Variants in BMP2K observed in about 807,000 individuals in gnomAD.
BMP2K encodes BMP-2-inducible protein kinase.
In BMP2K, 74 loss-of-function variants were observed where a neutral mutation model predicts 116.0. The ratio of observed to expected loss-of-function variants is 0.64; its 90% CI spans 0.53 to 0.77. The LOEUF (loss-of-function observed/expected upper bound fraction) is 0.77. Ranked by LOEUF, BMP2K falls within the 30% of genes least tolerant of loss-of-function variation. The pLI, the probability that BMP2K is intolerant of heterozygous loss-of-function variation, is 0.00. For missense variants in BMP2K, 1,365 were observed against 1,403.6 expected, an observed-to-expected ratio of 0.97 and a Z score of 0.44; for synonymous variants, 486 against 502.5, an observed-to-expected ratio of 0.97 and a Z score of 0.44.
In BMP2K at chr4:78,859,671, C is replaced by T. The variant is rs199612830; in HGVS notation, c.971C>T (p.Pro324Leu). ...TTTAAATTTGCCAAAAAGGATTGTC[C>T]AGTCTCCAACATCAATGTAAGTAGA... is the stretch of plus-strand genomic sequence containing the variant. ...FAFKFAKKDC[P>L]VSNINNSSIP... is the part of the protein sequence containing the mutation. The change falls in exon 8 of 16, where the codon CCA (proline) becomes CTA (leucine). Residue 324 changes from proline (P) to leucine (L), a missense_variant. Pro to Leu is a moderately conservative substitution (Grantham distance 98, BLOSUM62 -3). This residue lies in a region of BMP2K where 762 missense variants were observed against 756.7 expected (regional missense o/e 1.01). Coordinates refer to ENST00000502613, the MANE Select transcript of BMP2K (RefSeq NM_198892.2). 4.4e-6 allele frequency: 7 copies of T among 1,590,462 alleles called. No individual in the cohort carries two copies. Among genetic ancestry groups the T allele is most frequent in the Middle Eastern group, 1.7e-4 (1 of 6,010 alleles).
At chr4:78,855,463 C>CTG (rs1731460414) in intron 7 of BMP2K, among the ~76,000 whole-genome samples, 1 of 152,102 alleles carries the variant, frequency 6.6e-6, no homozygotes, top group African/African-American at 2.4e-5. Flanking sequence ...GAGATGGTGG[C>CTG]TTAACTTTAT....
At chr4:78,871,129 T>C in intron 11 of BMP2K, 69 bp downstream of exon 11, 1 of 1,567,128 alleles carries the variant, frequency 6.4e-7, no homozygotes, top group Non-Finnish European at 8.6e-7. Flanking sequence ...TATCAGTGAA[T>C]TCCTTTTTGT....
At chr4:78,872,324 TTTTTTA>T (rs942907855) in intron 12 of BMP2K, 9 of 207,712 alleles carry the variant, frequency 4.3e-5, no homozygotes, top group African/African-American at 3.2e-4. Context: ...TTTTTTTTTT[TTTTTTA>T]ACAGCAACCA....
chr4:78,850,857 G>A (rs1731216335), intron 6 of BMP2K, 67 bp from the exon 7 acceptor site: 1 of 1,555,444 alleles, frequency 6.4e-7, no homozygotes, highest in East Asian at 2.3e-5. Context: ...GTAACATTGA[G>A]TTTTTGGCTA....
intron 1 of BMP2K, among the ~76,000 whole-genome samples, chr4:78,805,570 A>G (rs137901830): frequency 2.6e-4 from 39 of 152,292 alleles, no homozygotes; most frequent in Non-Finnish European, 4.3e-4. Flanking sequence ...TCAGCATACA[A>G]ATTTTTATTA....
intron 2 of BMP2K, among the ~76,000 whole-genome samples, chr4:78,830,526 C>A (rs1019427060): frequency 3.9e-5 from 6 of 152,190 alleles, no homozygotes; most frequent in African/African-American, 1.4e-4. Flanking sequence ...GACTTCTTCT[C>A]TTTAGCTCTA....
rs191763506 is a variant in BMP2K, at chr4:78,914,635, C to A, written c.*2602C>A. The A allele has an allele frequency of 2.6e-5, 4 of 151,674 alleles. No individual in the cohort carries two copies. The highest frequency in any genetic ancestry group is 7.3e-5 in the African/African-American group (3 of 41,378). 9.4% of individuals were successfully genotyped at this position (151,674 alleles called of 1,614,324 possible). A position where few individuals can be genotyped will look rare whatever the true frequency, so the allele number is the denominator to read the frequency against. On this transcript the variant is annotated 3_prime_UTR_variant, in exon 16 of 16. Coordinates refer to ENST00000502613, the MANE Select transcript of BMP2K (RefSeq NM_198892.2). ...AACACAGTACCTGGCACACAGCACT[C>A]AATAAAAGTTTGGCTCTATTATGGG...
intron 2 of BMP2K, among the ~76,000 whole-genome samples, chr4:78,831,950 C>T (rs778378136): frequency 6.6e-6 from 1 of 152,126 alleles, no homozygotes; most frequent in African/African-American, 2.4e-5. Context: ...AGCACAGACA[C>T]AGGTGCATAT....
chr4:78,809,209 T>A (rs1375552009), intron 1 of BMP2K, among the ~76,000 whole-genome samples: 1 of 152,246 alleles, frequency 6.6e-6, no homozygotes, highest in Non-Finnish European at 1.5e-5. Context: ...TTCTAATGCA[T>A]TTCCTTGTCT....
At chr4:78,803,671 G>A (rs1219256235) in intron 1 of BMP2K, among the ~76,000 whole-genome samples, 2 of 152,162 alleles carry the variant, frequency 1.3e-5, no homozygotes, top group Non-Finnish European at 2.9e-5. Context: ...GAGCCACCAT[G>A]CCTGGCTGTT....
At chr4:78,834,367 T>G (rs1036996806) in intron 3 of BMP2K, among the ~76,000 whole-genome samples, 1 of 151,924 alleles carries the variant, frequency 6.6e-6, no homozygotes, top group Non-Finnish European at 1.5e-5. Context: ...GTTCATGCCA[T>G]TCTCCTGCCT....
At position 78,878,857 on chromosome 4, in the gene BMP2K, A is replaced by G; in HGVS notation, c.1917A>G (p.Glu639=). The change falls in exon 14 of 16, where the codon GAA becomes GAG. Residue 639 remains glutamate (E), a synonymous_variant. Transcript: ENST00000502613. ...ATTTCTCTAAGTTAACAGAAGAGGA[A>G]CTATTGGACAGAGAATTTGACCTTC... is the stretch of plus-strand genomic sequence containing the variant. ...EDNFSKLTEE[E]LLDREFDLLR... 1 of 1,613,420 alleles carries G rather than the reference A, an allele frequency of 6.2e-7. No individual in the cohort carries two copies. The highest frequency in any genetic ancestry group is 1.1e-5 in the South Asian group (1 of 90,918).
intron 1 of BMP2K, among the ~76,000 whole-genome samples, chr4:78,805,371 A>G (rs1728766592): frequency 6.6e-6 from 1 of 151,962 alleles, no homozygotes; most frequent in Non-Finnish European, 1.5e-5. Context: ...GCTTTTTTTC[A>G]GGTTGTTTTG....
chr4:78,781,683 T>C (rs924511095), intron 1 of BMP2K, among the ~76,000 whole-genome samples: 2 of 152,056 alleles, frequency 1.3e-5, no homozygotes, highest in African/African-American at 4.8e-5. Flanking sequence ...ACTCCTATAG[T>C]GCATTGGTCT....
At chr4:78,851,667 A>G (rs1472545742) in intron 7 of BMP2K, among the ~76,000 whole-genome samples, 2 of 151,748 alleles carry the variant, frequency 1.3e-5, no homozygotes, top group African/African-American at 2.4e-5. Flanking sequence ...TATGATGAAG[A>G]TGGCAGTTCA....
chr4:78,807,645 G>T (rs1178376358), intron 1 of BMP2K, among the ~76,000 whole-genome samples: 1 of 150,556 alleles, frequency 6.6e-6, no homozygotes, highest in African/African-American at 2.4e-5. Context: ...TTATCAAATT[G>T]ATAATTTGTA....
At chr4:78,862,305 A>G (rs905167199) in intron 9 of BMP2K, among the ~76,000 whole-genome samples, 1 of 152,104 alleles carries the variant, frequency 6.6e-6, no homozygotes, top group Non-Finnish European at 1.5e-5. Flanking sequence ...ACAACCTGAT[A>G]GATATTAGGC....
At chr4:78,776,770 G>T in intron 1 of BMP2K, 49 bp downstream of exon 1, 2 of 1,227,366 alleles carry the variant, frequency 1.6e-6, no homozygotes, top group Non-Finnish European at 1.0e-6. Context: ...GAGGGTTGGG[G>T]TGTGGCGGCG....
In BMP2K at chr4:78,776,452, G is replaced by A. The variant is rs1727234101; in HGVS notation, c.-92G>A. 4.6e-6 allele frequency: 5 copies of A among 1,080,562 alleles called. No individual in the cohort carries two copies. The highest frequency in any genetic ancestry group is 5.2e-5 in the Admixed American group (1 of 19,360). The allele number at this position is 1,080,562 out of a possible 1,614,324, so 66.9% of individuals were successfully genotyped here. A position where few individuals can be genotyped will look rare whatever the true frequency, so the allele number is the denominator to read the frequency against. On this transcript the variant is annotated 5_prime_UTR_variant, in exon 1 of 16. Coordinates refer to ENST00000502613, the MANE Select transcript of BMP2K (RefSeq NM_198892.2). ...GCCGCAGCACGCTCGGACGGGCCAG[G>A]GGCGGCGACCCCTCGCGGACGCCCG...
Sources: allele counts gnomAD v4.1 joint callset (sites outside exome capture counted in the v4.1 genomes callset), GRCh38; gene constraint gnomAD v4.1.1; regional missense constraint gnomAD v4.1.1; transcripts MANE v1.5; gene names NCBI Gene and HGNC (gene_info 2026-07-23, HGNC 2026-07-21).